The following RBBP8 variants were observed in gnomAD, a reference collection of about 807,000 sequenced individuals.
The protein encoded by RBBP8 is DNA endonuclease RBBP8.
Under a neutral mutation model 108.3 loss-of-function variants are expected in RBBP8, and 88 were observed. That is an observed-to-expected ratio of 0.81 (90% CI 0.68 to 0.97). The LOEUF is 0.97. RBBP8 is among the 50% of genes least tolerant of loss of function. The pLI is 0.00. For missense variants in RBBP8, 1,023 were observed against 1,049.0 expected, an observed-to-expected ratio of 0.98 and a Z score of 0.34; for synonymous variants, 332 against 348.2, an observed-to-expected ratio of 0.95 and a Z score of 0.52.
intron 16 of RBBP8, among the ~76,000 whole-genome samples, chr18:23,011,417 G>A (rs1233695067): frequency 6.8e-6 from 1 of 146,616 alleles, no homozygotes; most frequent in Non-Finnish European, 1.5e-5. Flanking sequence ...ACAGTGTTCT[G>A]TGATCAGTGA....
chr18:23,026,082 A>G (rs764773064), intron 18 of RBBP8, 61 bp from the exon 19 acceptor site: 10 of 1,291,786 alleles, frequency 7.7e-6, no homozygotes, highest in Admixed American at 5.3e-5. Flanking sequence ...TTTACTAGAT[A>G]TAAGCTGAAA....
rs750432993 is a variant in RBBP8, at chr18:22,996,352, A to G, written c.1940-22A>G. On this transcript the variant is annotated intron_variant, in intron 12 of 18. Coordinates refer to ENST00000327155, the MANE Select transcript of RBBP8 (RefSeq NM_002894.3). ...TTTTTGAAATCAGTTTTTTAATTGCATGCTCTTTCCCTTTACCTAAGATGT... is the reference window on the plus strand; with the variant it reads ...TTTTTGAAATCAGTTTTTTAATTGCGTGCTCTTTCCCTTTACCTAAGATGT... 9.3e-6 allele frequency: 15 copies of G among 1,612,696 alleles called. No individual in the cohort carries two copies. The East Asian group carries it at 1.8e-4, about 19-fold the overall frequency.
chr18:22,990,893 A>G, intron 9 of RBBP8, 44 bp from the exon 10 acceptor site: 2 of 1,442,388 alleles, frequency 1.4e-6, no homozygotes, highest in Middle Eastern at 1.7e-4. Context: ...TTAAGAATGA[A>G]CAAATCCCAT....
chr18:22,988,797 G>C (rs2144683395), intron 8 of RBBP8, among the ~76,000 whole-genome samples: 1 of 152,256 alleles, frequency 6.6e-6, no homozygotes, highest in South Asian at 2.1e-4. Flanking sequence ...ATGAATATGT[G>C]TTAGCTTAAC....
At chr18:22,930,056 T>C (rs1286156399), upstream of RBBP8, among the ~76,000 whole-genome samples, 1 of 152,234 alleles carries the variant, frequency 6.6e-6, no homozygotes, top group Non-Finnish European at 1.5e-5. Flanking sequence ...ATTTCATTTG[T>C]AAATGGCTTG....
chr18:22,993,733 C>T lies in RBBP8; in HGVS notation c.1825C>T (p.His609Tyr). ...ATTTCTGTTTTAGAGTGCTGGTTCTCATGAGCCAATAAAAATACAAACCAG... is the reference window on the plus strand; with the variant it reads ...ATTTCTGTTTTAGAGTGCTGGTTCTTATGAGCCAATAAAAATACAAACCAG... ...VLDDIKSAGSHEPIKIQTRSD... is the reference protein window; with the variant it reads ...VLDDIKSAGSYEPIKIQTRSD... The change falls in exon 12 of 19, where the codon CAT (histidine) becomes TAT (tyrosine). Residue 609 changes from histidine to tyrosine, a missense_variant. By Grantham distance (83) the His-to-Tyr change is moderately conservative. Coordinates refer to ENST00000327155, the MANE Select transcript of RBBP8 (RefSeq NM_002894.3). 1.9e-6 allele frequency: 3 copies of T among 1,614,146 alleles called. No individual in the cohort carries two copies. The highest frequency in any genetic ancestry group is 2.5e-6 in the Non-Finnish European group (3 of 1,180,014).
intron 6 of RBBP8, among the ~76,000 whole-genome samples, chr18:22,978,524 TC>T (rs907740639): frequency 2.6e-5 from 4 of 152,112 alleles, no homozygotes; most frequent in African/African-American, 9.7e-5. Context: ...TTTTGTTTTT[TC>T]CTTTTGTGAT....
chr18:22,928,233 T>C (rs183272853), intron 3 of RBBP8, among the ~76,000 whole-genome samples: 78 of 148,686 alleles, frequency 5.2e-4, no homozygotes, highest in South Asian at 6.3e-4. Flanking sequence ...AACAGAAGAA[T>C]AAAGAAAGCA....
At chr18:22,957,488 T>C (rs1912682886) in intron 4 of RBBP8, among the ~76,000 whole-genome samples, 1 of 152,144 alleles carries the variant, frequency 6.6e-6, no homozygotes, top group Non-Finnish European at 1.5e-5. Flanking sequence ...TAATTGTTAC[T>C]CTGATAAGTT....
intron 16 of RBBP8, among the ~76,000 whole-genome samples, chr18:23,008,847 C>T (rs574923473): frequency 7.0e-6 from 1 of 142,906 alleles, no homozygotes; most frequent in African/African-American, 2.6e-5. Context: ...AATCTCGGCT[C>T]ACTGCAAGCT....
chr18:23,022,808 A>G (rs1275301969), intron 18 of RBBP8, among the ~76,000 whole-genome samples: 1 of 151,800 alleles, frequency 6.6e-6, no homozygotes, highest in Non-Finnish European at 1.5e-5. Flanking sequence ...TTTATTTGGA[A>G]TTAGAGATTG....
intron 6 of RBBP8, among the ~76,000 whole-genome samples, chr18:22,981,754 C>T (rs1424046002): frequency 1.3e-5 from 2 of 152,222 alleles, no homozygotes; most frequent in African/African-American, 2.4e-5. Context: ...ATTTCCTTGC[C>T]TCCTGTCCTT....
intron 6 of RBBP8, among the ~76,000 whole-genome samples, chr18:22,980,712 G>T (rs1333840042): frequency 3.3e-5 from 5 of 150,906 alleles, no homozygotes; most frequent in African/African-American, 1.2e-4. Flanking sequence ...AGTCTTTTTG[G>T]GGTTTTTTTT....
chr18:22,949,902 C>A, intron 4 of RBBP8, 189 bp downstream of exon 4: 2 of 554,562 alleles, frequency 3.6e-6, no homozygotes, highest in Non-Finnish European at 3.2e-6. Flanking sequence ...GAGATCACAT[C>A]AGTTTACCCT....
Position 22,993,145 on chromosome 18 carries a change from T to A in RBBP8, c.1318T>A (p.Leu440Met). Residue 440 changes from leucine to methionine, a missense_variant, in exon 11 of 19, where the codon TTG becomes ATG. Coordinates refer to ENST00000327155, the MANE Select transcript of RBBP8 (RefSeq NM_002894.3). ...TDKHLEPLKS[L>M]GGRTSKRKKT... ...TAAACATTTGGAGCCCCTGAAATCA[T>A]TGGGAGGCCGAACATCCAAAAGGAA... 1 of 1,614,136 alleles carries A rather than the reference T, an allele frequency of 6.2e-7. No individual in the cohort carries two copies. Among genetic ancestry groups the A allele is most frequent in the Admixed American group, 1.7e-5 (1 of 60,020 alleles).
intron 4 of RBBP8, among the ~76,000 whole-genome samples, chr18:22,965,686 G>GTAA (rs776569147): frequency 2.1e-4 from 31 of 150,430 alleles, no homozygotes; most frequent in Admixed American, 1.4e-3. Flanking sequence ...TGTCAAAGGG[G>GTAA]TAATCACTTG....
At position 22,993,924 on chromosome 18, in the gene RBBP8, A is replaced by G. The variant is rs549154664; in HGVS notation, c.1939+77A>G. 290 of 1,453,362 alleles carry G rather than the reference A, an allele frequency of 2.0e-4. 1 individual carries two copies. The East Asian group carries it at 5.3e-3, about 27-fold the overall frequency. 90.0% of individuals were successfully genotyped at this position (1,453,362 alleles called of 1,614,324 possible). A position where few individuals can be genotyped will look rare whatever the true frequency, so the allele number is the denominator to read the frequency against. Reference sequence around the variant, plus strand: ...TGTCATTATTTACTTTTTTAAATAGATTGAATTGTTTTGGAAAAAAACTTA... The same window carrying G: ...TGTCATTATTTACTTTTTTAAATAGGTTGAATTGTTTTGGAAAAAAACTTA... On this transcript the variant is annotated intron_variant, in intron 12 of 18. Transcript: ENST00000327155.
At chr18:22,970,701 C>T (rs950655300) in intron 5 of RBBP8, among the ~76,000 whole-genome samples, 3 of 151,986 alleles carry the variant, frequency 2.0e-5, no homozygotes, top group African/African-American at 7.3e-5. Context: ...ATTCTTTGCC[C>T]AGTCTTAAAT....
At chr18:22,986,751 A>ATAGT (rs1344567409) in intron 8 of RBBP8, among the ~76,000 whole-genome samples, 1 of 152,210 alleles carries the variant, frequency 6.6e-6, no homozygotes, top group African/African-American at 2.4e-5. Flanking sequence ...TCATTTTATA[A>ATAGT]TAGTGTAAAA....
Sources: gnomAD v4.1 joint callset for allele counts (sites outside exome capture counted in the v4.1 genomes callset) on GRCh38, gnomAD v4.1.1 for gene constraint, MANE v1.5 for transcripts, NCBI Gene and HGNC (gene_info 2026-07-23, HGNC 2026-07-21) for gene names.